RBMS2: variants seen among roughly 807,000 people sequenced by gnomAD.
The protein encoded by RBMS2 is RNA-binding motif, single-stranded-interacting protein 2.
RBMS2 carries 38 observed loss-of-function variants against 58.4 expected under a neutral mutation model. That is an observed-to-expected ratio of 0.65 (90% confidence interval 0.50 to 0.85). The LOEUF (loss-of-function observed/expected upper bound fraction) is 0.85, where lower values mean the gene tolerates loss of function less well. Ranked by LOEUF, RBMS2 falls within the 40% of genes least tolerant of loss-of-function variation. The pLI is 0.00. For synonymous variants in RBMS2, 151 were observed against 180.7 expected (o/e 0.84, Z 1.32); for missense variants, 367 against 503.7 (o/e 0.73, Z 2.60).
intron 1 of RBMS2, among the ~76,000 whole-genome samples, chr12:56,523,130 A>G (rs1283599421): frequency 6.6e-6 from 1 of 152,148 alleles, no homozygotes; most frequent in African/African-American, 2.4e-5. Context: ...AAAACACTTA[A>G]TGTTGATTTA....
At position 56,581,407 on chromosome 12, in the gene RBMS2, G is replaced by A. The variant is rs776096624; in HGVS notation, c.631G>A (p.Asp211Asn). The change falls in exon 7 of 14, where the codon GAT (aspartate) becomes AAT (asparagine). Residue 211 changes from aspartate to asparagine, a missense_variant. Physicochemically the swap from Asp to Asn is conservative, Grantham distance 23. Around this residue, in one of 3 missense-constraint regions of RBMS2, gnomAD observed 220 missense variants for 261.1 expected, o/e 0.84. Coordinates refer to ENST00000262031, the MANE Select transcript of RBMS2 (RefSeq NM_002898.4). ...GCCTTCTCTCTCGGCAGCCCCATCC[G>A]ATCCCTTGCTTTGCAAATTTGCTGA... ...KTPPGVPAPS[D>N]PLLCKFADGG... 25 of 1,614,070 alleles carry A rather than the reference G, an allele frequency of 1.5e-5. No homozygotes were observed. The highest frequency in any genetic ancestry group is 6.7e-5 in the East Asian group (3 of 44,900).
intron 1 of RBMS2, among the ~76,000 whole-genome samples, chr12:56,545,862 G>T (rs1047069597): frequency 6.6e-6 from 1 of 151,178 alleles, no homozygotes; most frequent in Admixed American, 6.6e-5. Flanking sequence ...TTCCACTTTG[G>T]GCTATTATGA....
intron 1 of RBMS2, among the ~76,000 whole-genome samples, chr12:56,522,592 T>A (rs1331708996): frequency 6.6e-6 from 1 of 152,176 alleles, no homozygotes; most frequent in African/African-American, 2.4e-5. Flanking sequence ...TATACTCTTC[T>A]AGACTACAGA....
chr12:56,575,429 C>CTGGGCTA (rs1882966511), intron 5 of RBMS2, among the ~76,000 whole-genome samples: 1 of 151,672 alleles, frequency 6.6e-6, no homozygotes, highest in East Asian at 1.9e-4. Flanking sequence ...AGAGTGAGAC[C>CTGGGCTA]CTGTCTCAAT....
intron 1 of RBMS2, among the ~76,000 whole-genome samples, chr12:56,550,357 C>T (rs1225026875): frequency 1.3e-5 from 2 of 151,856 alleles, no homozygotes; most frequent in East Asian, 3.9e-4. Flanking sequence ...ATGGTGAAAC[C>T]CTGTCTCTAC....
intron 5 of RBMS2, among the ~76,000 whole-genome samples, chr12:56,574,915 G>A (rs963799251): frequency 1.3e-5 from 2 of 152,146 alleles, no homozygotes; most frequent in East Asian, 1.9e-4. Context: ...TTGGGAGGCC[G>A]AGGCGGGCGG....
At chr12:56,558,098 G>A (rs1485149128) in intron 1 of RBMS2, among the ~76,000 whole-genome samples, 16 of 122,970 alleles carry the variant, frequency 1.3e-4, no homozygotes, top group African/African-American at 5.0e-4. Context: ...AGGCTGGAGT[G>A]CAATGGCGAG....
At chr12:56,553,463 G>A (rs945044139) in intron 1 of RBMS2, among the ~76,000 whole-genome samples, 4 of 152,126 alleles carry the variant, frequency 2.6e-5, no homozygotes, top group South Asian at 2.1e-4. Flanking sequence ...CCAGTACTAA[G>A]ATTATAGGCG....
At chr12:56,523,164 AT>A (rs1354326335) in intron 1 of RBMS2, among the ~76,000 whole-genome samples, 1 of 152,134 alleles carries the variant, frequency 6.6e-6, no homozygotes, top group African/African-American at 2.4e-5. Context: ...TGTGGTACTC[AT>A]TTTGTTTATA....
At chr12:56,543,325 A>C (rs1295295658) in intron 1 of RBMS2, among the ~76,000 whole-genome samples, 1 of 151,876 alleles carries the variant, frequency 6.6e-6, no homozygotes, top group East Asian at 2.0e-4. Context: ...GCTACTAAAA[A>C]TACGAAAAAA....
chr12:56,551,370 T>C (rs182644906), intron 1 of RBMS2, among the ~76,000 whole-genome samples: 1 of 152,318 alleles, frequency 6.6e-6, no homozygotes, highest in East Asian at 1.9e-4. Flanking sequence ...AGCCATCACA[T>C]GTGGCCTAAA....
At position 56,569,927 on chromosome 12, in the gene RBMS2, T is replaced by C. The variant is rs1416732843; in HGVS notation, c.321T>C (p.Pro107=). 1 of 1,613,834 alleles carries C rather than the reference T, an allele frequency of 6.2e-7. No homozygotes were observed. The highest frequency in any genetic ancestry group is 8.5e-7 in the Non-Finnish European group (1 of 1,179,860). The change falls in exon 4 of 14, where the codon CCT becomes CCC. Residue 107 remains proline (P), a synonymous_variant. Transcript: ENST00000262031. ...ATGGCTTTGTAGATTTTGACAGCCCTTCAGCAGCACAGAAAGCTGTAACAG... is the reference window on the plus strand; with the variant it reads ...ATGGCTTTGTAGATTTTGACAGCCCCTCAGCAGCACAGAAAGCTGTAACAG... ...KGYGFVDFDS[P]SAAQKAVTAL...
chr12:56,588,173 C>T, intron 11 of RBMS2, 121 bp from the exon 12 acceptor site: 1 of 789,326 alleles, frequency 1.3e-6, no homozygotes, highest in East Asian at 2.6e-5. Flanking sequence ...AATGCTCAGA[C>T]CAATTAAAAT....
At chr12:56,581,565 G>C in intron 7 of RBMS2, 57 bp downstream of exon 7, 3 of 1,508,414 alleles carry the variant, frequency 2.0e-6, no homozygotes, top group Non-Finnish European at 2.8e-6. Flanking sequence ...GAACGGAAAT[G>C]ATCATGGCAT....
upstream of RBMS2, chr12:56,521,816 G>A (rs1021452835): frequency 7.1e-6 from 4 of 561,806 alleles, no homozygotes; most frequent in African/African-American, 7.7e-5. Flanking sequence ...TGACGTAAAG[G>A]AGCAGCCCGA....
At chr12:56,575,799 C>G (rs1883038614) in intron 5 of RBMS2, among the ~76,000 whole-genome samples, 1 of 151,538 alleles carries the variant, frequency 6.6e-6, no homozygotes, top group Non-Finnish European at 1.5e-5. Context: ...GAGGCTGAGG[C>G]AGGAGAATCA....
intron 1 of RBMS2, among the ~76,000 whole-genome samples, chr12:56,543,597 C>T (rs1464683006): frequency 6.6e-6 from 1 of 150,974 alleles, no homozygotes; most frequent in African/African-American, 2.4e-5. Context: ...CAAGGATCCA[C>T]CCGCCTCGGC....
At chr12:56,544,900 A>G in intron 1 of RBMS2, among the ~76,000 whole-genome samples, 1 of 151,718 alleles carries the variant, frequency 6.6e-6, no homozygotes, top group Non-Finnish European at 1.5e-5. Flanking sequence ...GGCCCTCATC[A>G]CATTTTTTTA....
intron 1 of RBMS2, among the ~76,000 whole-genome samples, chr12:56,533,853 G>A (rs6581097): frequency 0.45 from 68,268 of 151,746 alleles, 16,212 homozygotes; most frequent in East Asian, 0.6. Context: ...TAACTTGTTT[G>A]CACTGTTCTA....
Sources: allele counts gnomAD v4.1 joint callset (sites outside exome capture counted in the v4.1 genomes callset), GRCh38; gene constraint gnomAD v4.1.1; regional missense constraint gnomAD v4.1.1; transcripts MANE v1.5; gene names NCBI Gene and HGNC (gene_info 2026-07-23, HGNC 2026-07-21).